The following VWA3A variants were observed in gnomAD, a reference collection of about 807,000 sequenced individuals.
VWA3A encodes von Willebrand factor A domain containing 3A.
Under a neutral mutation model 160.4 loss-of-function variants are expected in VWA3A, and 134 were observed. That is an observed-to-expected ratio of 0.84 (90% CI 0.73 to 0.96). The LOEUF (loss-of-function observed/expected upper bound fraction) is 0.96, where lower values mean the gene tolerates loss of function less well. VWA3A is among the 40% of genes least tolerant of loss of function. VWA3A has a pLI of 0.00. For missense variants in VWA3A, 1,310 were observed against 1,447.9 expected (o/e 0.90, Z 1.55); for synonymous variants, 476 against 543.4 (o/e 0.88, Z 1.72).
At chr16:22,114,007 T>C (rs1434043404) in intron 8 of VWA3A, among the ~76,000 whole-genome samples, 2 of 151,944 alleles carry the variant, frequency 1.3e-5, no homozygotes, top group East Asian at 3.9e-4. Flanking sequence ...CAACCATATA[T>C]CTTTCTTTAA....
At chr16:22,133,257 A>C (rs1105928) in intron 20 of VWA3A, among the ~76,000 whole-genome samples, 162 bp downstream of exon 20, 79,825 of 152,120 alleles carry the variant, frequency 0.52, 25,315 homozygotes, top group African/African-American at 0.87. Flanking sequence ...GTGATGGTTG[A>C]ACAACAATGT....
At chr16:22,102,840 G>T (rs1445036341) in intron 5 of VWA3A, among the ~76,000 whole-genome samples, 1 of 152,106 alleles carries the variant, frequency 6.6e-6, no homozygotes. Flanking sequence ...CCCTCACCGG[G>T]CAGAGTGAGC....
At chr16:22,130,270 T>G (rs1022880829) in intron 17 of VWA3A, among the ~76,000 whole-genome samples, 2 of 152,076 alleles carry the variant, frequency 1.3e-5, no homozygotes, top group African/African-American at 4.8e-5. Flanking sequence ...AGGGAGCTTG[T>G]CCACAAGGGG....
At position 22,144,797 on chromosome 16, in the gene VWA3A, C is replaced by T. The variant is rs548596584; in HGVS notation, c.2730+413C>T. Among the ~76,000 whole-genome samples, 12 of 152,128 alleles carry T rather than the reference C, an allele frequency of 7.9e-5. No homozygotes were observed. The South Asian group carries it at 1.2e-3, about 16-fold the overall frequency. On this transcript the variant is annotated intron_variant, in intron 26 of 33. Coordinates refer to ENST00000389398, the MANE Select transcript of VWA3A (RefSeq NM_173615.5). The stretch of plus-strand genomic sequence containing the variant: ...CAGGTGCAGCTGTGTGCCTGTAGTC[C>T]GAGCTACTTGGGAGGCTGAGGCGGG...
In VWA3A at chr16:22,131,242, G is replaced by A. The variant is rs375378867; in HGVS notation, c.1690G>A (p.Val564Ile). 6.2e-7 allele frequency: 1 copy of A among 1,614,008 alleles called. No individual in the cohort carries two copies. The highest frequency in any genetic ancestry group is 8.5e-7 in the Non-Finnish European group (1 of 1,179,900). The change falls in exon 18 of 34, where the codon GTT becomes ATT. Residue 564 changes from valine (V) to isoleucine (I), a missense_variant. Transcript: ENST00000389398. ...STIESWRPEMVPVSHNNLQSA... is the reference protein window; with the variant it reads ...STIESWRPEMIPVSHNNLQSA... ...AATTGAAAGCTGGAGGCCTGAGATG[G>A]TTCCCGTGAGTCACAACAATTTACA...
In VWA3A at chr16:22,121,648, T is replaced by A. The variant is rs766943258; in HGVS notation, c.1356+31T>A. The stretch of plus-strand genomic sequence containing the variant: ...TCAGATTCATAATTCTCTCCAGTCC[T>A]CCACAGGAGAGCTCCCTTGTGGCTT... On this transcript the variant is annotated intron_variant, in intron 14 of 33. Transcript: ENST00000389398. 7 of 1,518,390 alleles carry A rather than the reference T, an allele frequency of 4.6e-6. No homozygotes were observed. The East Asian group carries it at 1.6e-4, about 34-fold the overall frequency. The allele number at this position is 1,518,390 out of a possible 1,614,324, so 94.1% of individuals were successfully genotyped here.
chr16:22,133,031 A>G lies in VWA3A; in HGVS notation c.2004A>G (p.Thr668=), dbSNP rs1033865931. 15 of 1,613,824 alleles carry G rather than the reference A, an allele frequency of 9.3e-6. No individual in the cohort carries two copies. Among genetic ancestry groups the G allele is most frequent in the Non-Finnish European group, 1.1e-5 (13 of 1,179,884 alleles). The change falls in exon 20 of 34, where the codon ACA becomes ACG. Residue 668 remains threonine, a synonymous_variant. Coordinates refer to ENST00000389398, the MANE Select transcript of VWA3A (RefSeq NM_173615.5). ...CCCGCTATGCCAGTCACACTGACACAGCCGCCGCCTACAAGGAGGTCACCC... is the reference window on the plus strand; with the variant it reads ...CCCGCTATGCCAGTCACACTGACACGGCCGCCGCCTACAAGGAGGTCACCC... ...PPARYASHTD[T]AAAYKEVTRA...
chr16:22,139,652 G>A (rs933198641), intron 22 of VWA3A, among the ~76,000 whole-genome samples: 2 of 152,182 alleles, frequency 1.3e-5, no homozygotes, highest in Admixed American at 6.5e-5. Context: ...TCGAGATCAC[G>A]CCGCTGCACT....
At chr16:22,105,929 A>C (rs1235466213) in intron 6 of VWA3A, among the ~76,000 whole-genome samples, 5 of 152,214 alleles carry the variant, frequency 3.3e-5, no homozygotes, top group Non-Finnish European at 7.3e-5. Context: ...GCACTGTTCT[A>C]GGATTGAGAC....
rs2046438634 is a variant in VWA3A, at chr16:22,156,238, C to T, written c.*221C>T. On this transcript the variant is annotated 3_prime_UTR_variant, in exon 34 of 34. Transcript: ENST00000389398. ...GCCCTGTCCCGCAGCGCACTCTACT[C>T]TCCAGCCACTAGATTGTCCCTCTCT... The T allele has an allele frequency of 3.6e-6, 1 of 274,436 alleles. No homozygotes were observed. The highest frequency in any genetic ancestry group is 6.9e-6 in the Non-Finnish European group (1 of 145,624). The allele number at this position is 274,436 out of a possible 1,614,324, so 17.0% of individuals were successfully genotyped here.
intron 5 of VWA3A, 83 bp from the exon 6 acceptor site, chr16:22,103,392 T>A: frequency 7.9e-7 from 1 of 1,264,766 alleles, no homozygotes; most frequent in Non-Finnish European, 1.1e-6. Context: ...CAATTATTCA[T>A]ACCTGCCTTT....
At chr16:22,143,928 T>TG (rs1381341327) in intron 25 of VWA3A, among the ~76,000 whole-genome samples, 1 of 151,580 alleles carries the variant, frequency 6.6e-6, no homozygotes, top group Non-Finnish European at 1.5e-5. Flanking sequence ...TTAGTAGAGA[T>TG]GGGGTTTCAC....
chr16:22,131,186 C>T lies in VWA3A; in HGVS notation c.1653-19C>T, dbSNP rs756632076. The T allele has an allele frequency of 6.8e-6, 11 of 1,612,760 alleles. No homozygotes were observed. The highest frequency in any genetic ancestry group is 2.2e-5 in the South Asian group (2 of 90,590). ...GGACCTCCCCCAGCCTAAGAACGAA[C>T]TCTCTTTGCTTCTTAAAGGTTTGGA... On this transcript the variant is annotated intron_variant, in intron 17 of 33. Coordinates refer to ENST00000389398, the MANE Select transcript of VWA3A (RefSeq NM_173615.5).
chr16:22,131,481 C>A, intron 18 of VWA3A, 104 bp from the exon 19 acceptor site: 1 of 1,530,420 alleles, frequency 6.5e-7, no homozygotes, highest in Non-Finnish European at 8.8e-7. Flanking sequence ...GTGATGACAT[C>A]GACTCCATCA....
Position 22,155,908 on chromosome 16 carries a change from T to A in VWA3A, c.*6T>A, listed in dbSNP as rs1250796253. ...CAAAGGTCACTCTTTCCTAGAGAAG[T>A]GTTCTCAGGTAAGGGGAGGGGCTAG... On this transcript the variant is annotated 3_prime_UTR_variant, in exon 33 of 34. Transcript: ENST00000389398. 1 of 1,613,952 alleles carries A rather than the reference T, an allele frequency of 6.2e-7. No individual in the cohort carries two copies. Among genetic ancestry groups the A allele is most frequent in the East Asian group, 2.2e-5 (1 of 44,882 alleles).
At chr16:22,100,563 G>C in intron 5 of VWA3A, 70 bp downstream of exon 5, 2 of 1,452,476 alleles carry the variant, frequency 1.4e-6, no homozygotes, top group Middle Eastern at 1.7e-4. Context: ...GTCCGGGCAT[G>C]GTGGCTTATA....
At chr16:22,126,040 C>G in intron 16 of VWA3A, 138 bp from the exon 17 acceptor site, 1 of 1,254,312 alleles carries the variant, frequency 8.0e-7, no homozygotes, top group Admixed American at 2.2e-5. Context: ...TGGCCTCAAA[C>G]CACAGAGAAG....
At position 22,155,581 on chromosome 16, in the gene VWA3A, A is replaced by C; in HGVS notation, c.3420A>C (p.Pro1140=). The part of the protein sequence containing the change: ...GFINEKDPTL[P]PFEGDDLRIL... ...CTCTTTTCAAGGATCCCACATTGCC[A>C]CCATTTGAAGGAGATGATTTAAGGA... The change falls in exon 32 of 34, where the codon CCA becomes CCC. Residue 1140 remains proline (P), a synonymous_variant. Transcript: ENST00000389398. The C allele has an allele frequency of 8.7e-6, 14 of 1,613,872 alleles. No individual in the cohort carries two copies. The highest frequency in any genetic ancestry group is 1.1e-5 in the Non-Finnish European group (13 of 1,179,844).
At chr16:22,121,416 C>T in intron 13 of VWA3A, 98 bp from the exon 14 acceptor site, 1 of 1,021,726 alleles carries the variant, frequency 9.8e-7, no homozygotes, top group Non-Finnish European at 1.5e-6. Context: ...TGCACTCTAG[C>T]CTGGGTGACA....
Sources: allele counts gnomAD v4.1 joint callset (sites outside exome capture counted in the v4.1 genomes callset), GRCh38; gene constraint gnomAD v4.1.1; transcripts MANE v1.5; gene names NCBI Gene and HGNC (gene_info 2026-07-23, HGNC 2026-07-21).